Variants in IMMP2L observed in about 807,000 individuals in gnomAD.
IMMP2L encodes the protein inner mitochondrial membrane peptidase subunit 2.
A neutral mutation model predicts 19.3 loss-of-function variants in IMMP2L; 18 were observed. The ratio of observed to expected loss-of-function variants is 0.93; its 90% CI spans 0.64 to 1.38. The LOEUF (loss-of-function observed/expected upper bound fraction) is 1.38. Among genes scored for constraint, IMMP2L ranks in the 40% most tolerant of loss-of-function variants. The pLI, the probability that IMMP2L is intolerant of heterozygous loss-of-function variation, is 0.00. For missense variants in IMMP2L, 233 were observed against 218.2 expected (o/e 1.07, Z -0.43); for synonymous variants, 76 against 73.0 (o/e 1.04, Z -0.21).
intron 3 of IMMP2L, among the ~76,000 whole-genome samples, chr7:111,015,853 G>T (rs746467021): frequency 1.1e-4 from 16 of 151,972 alleles, no homozygotes; most frequent in Non-Finnish European, 2.2e-4. Flanking sequence ...CACTTGTGTT[G>T]CCTTTTATAT....
chr7:111,363,209 T>C (rs1248394533), intron 3 of IMMP2L, among the ~76,000 whole-genome samples: 1 of 152,074 alleles, frequency 6.6e-6, no homozygotes, highest in African/African-American at 2.4e-5. Flanking sequence ...CAATACTGAA[T>C]AAGCTCTAAA....
chr7:110,866,362 T>A (rs1011481950), intron 5 of IMMP2L, among the ~76,000 whole-genome samples: 1 of 151,770 alleles, frequency 6.6e-6, no homozygotes, highest in Non-Finnish European at 1.5e-5. Context: ...AGGCGATGGT[T>A]TGAGAACATT....
At chr7:111,447,613 G>A (rs1301083474) in intron 3 of IMMP2L, among the ~76,000 whole-genome samples, 5 of 151,214 alleles carry the variant, frequency 3.3e-5, no homozygotes, top group African/African-American at 9.7e-5. Flanking sequence ...ATGCCAAAAT[G>A]TAAAGACCAT....
chr7:111,398,735 C>T (rs935226424), intron 3 of IMMP2L, among the ~76,000 whole-genome samples: 2 of 151,922 alleles, frequency 1.3e-5, no homozygotes, highest in African/African-American at 2.4e-5. Context: ...CCTAAAGACT[C>T]CTACAGAAAG....
At chr7:111,167,999 G>T (rs1806023743) in intron 3 of IMMP2L, among the ~76,000 whole-genome samples, 1 of 151,868 alleles carries the variant, frequency 6.6e-6, no homozygotes, top group Non-Finnish European at 1.5e-5. Context: ...ACACTTGAAA[G>T]AAACTTAGAG....
chr7:110,807,473 C>A (rs1333994041), intron 5 of IMMP2L, among the ~76,000 whole-genome samples: 1 of 151,918 alleles, frequency 6.6e-6, no homozygotes. Context: ...TAACCACTTC[C>A]CTTCATTTGT....
At chr7:111,152,422 A>T (rs1213880033) in intron 3 of IMMP2L, among the ~76,000 whole-genome samples, 1 of 152,082 alleles carries the variant, frequency 6.6e-6, no homozygotes, top group African/African-American at 2.4e-5. Flanking sequence ...TCCTGAAAAC[A>T]TCTCTGTTAC....
intron 3 of IMMP2L, among the ~76,000 whole-genome samples, chr7:111,011,898 C>T (rs1331344920): frequency 2.0e-5 from 3 of 152,120 alleles, no homozygotes; most frequent in Non-Finnish European, 4.4e-5. Context: ...ATTCTTATGA[C>T]ATTGCCATTT....
chr7:111,242,450 T>G (rs745601966), intron 3 of IMMP2L, among the ~76,000 whole-genome samples: 2 of 152,108 alleles, frequency 1.3e-5, no homozygotes, highest in South Asian at 2.1e-4. Context: ...GAGAACTACA[T>G]CACAACACTT....
chr7:111,064,272 A>G (rs1451206521), intron 3 of IMMP2L, among the ~76,000 whole-genome samples: 4 of 152,154 alleles, frequency 2.6e-5, no homozygotes, highest in African/African-American at 9.7e-5. Flanking sequence ...CCATAATTCA[A>G]TCACATTCCA....
intron 5 of IMMP2L, among the ~76,000 whole-genome samples, chr7:110,722,836 G>A (rs1178542178): frequency 1.3e-5 from 2 of 152,080 alleles, no homozygotes; most frequent in African/African-American, 4.8e-5. Context: ...TGGGGTAGGG[G>A]TGTGAAGCAG....
chr7:111,225,292 G>C (rs2129621506), intron 3 of IMMP2L, among the ~76,000 whole-genome samples: 1 of 152,162 alleles, frequency 6.6e-6, no homozygotes, highest in East Asian at 1.9e-4. Context: ...TTATAAGAAA[G>C]CCTTATATTG....
At chr7:111,030,919 T>C (rs1371267335) in intron 3 of IMMP2L, among the ~76,000 whole-genome samples, 1 of 89,174 alleles carries the variant, frequency 1.1e-5, no homozygotes, top group Admixed American at 1.2e-4. Context: ...TATATATATA[T>C]ATATATAAAA....
At chr7:110,690,814 A>T (rs540252060) in intron 5 of IMMP2L, among the ~76,000 whole-genome samples, 31 of 152,256 alleles carry the variant, frequency 2.0e-4, no homozygotes, top group Middle Eastern at 6.8e-3. Flanking sequence ...GCTAAAAAAA[A>T]AATAGATAAC....
intron 4 of IMMP2L, among the ~76,000 whole-genome samples, chr7:110,931,616 C>T (rs1475616427): frequency 6.6e-6 from 1 of 152,176 alleles, no homozygotes; most frequent in Non-Finnish European, 1.5e-5. Flanking sequence ...ATCTCCCTGG[C>T]CCGAGTCACC....
chr7:111,062,861 C>G (rs919205774), intron 3 of IMMP2L, among the ~76,000 whole-genome samples: 1 of 152,236 alleles, frequency 6.6e-6, no homozygotes, highest in African/African-American at 2.4e-5. Context: ...GACAGCTCTG[C>G]CCCTGTGGCT....
At chr7:111,209,220 A>T (rs1449300616) in intron 3 of IMMP2L, among the ~76,000 whole-genome samples, 1 of 151,902 alleles carries the variant, frequency 6.6e-6, no homozygotes, top group Non-Finnish European at 1.5e-5. Context: ...ACACAGTGAA[A>T]CTCCCTCTCT....
intron 5 of IMMP2L, among the ~76,000 whole-genome samples, chr7:110,827,538 A>C (rs1437436728): frequency 6.6e-6 from 1 of 152,194 alleles, no homozygotes; most frequent in East Asian, 1.9e-4. Context: ...TTTCACAATC[A>C]ACTGGGGAGA....
chr7:110,779,178 G>A (rs1224294576), intron 5 of IMMP2L, among the ~76,000 whole-genome samples: 3 of 151,858 alleles, frequency 2.0e-5, no homozygotes, highest in Non-Finnish European at 4.4e-5. Flanking sequence ...CTGGCCATAA[G>A]AGTCATTTTA....
Sources: allele counts gnomAD v4.1 joint callset (sites outside exome capture counted in the v4.1 genomes callset), GRCh38; gene constraint gnomAD v4.1.1; transcripts MANE v1.5; gene names NCBI Gene and HGNC (gene_info 2026-07-23, HGNC 2026-07-21).